The following C10orf67 variants were observed in gnomAD, a reference collection of about 807,000 sequenced individuals.
C10orf67 encodes uncharacterized protein C10orf67, mitochondrial.
Under a neutral mutation model 35.6 loss-of-function variants are expected in C10orf67, and 60 were observed. The observed-to-expected ratio is 1.68, with a 90% confidence interval of 1.37 to 2.09. C10orf67 has a LOEUF of 2.09. Among genes scored for constraint, C10orf67 ranks in the 30% most tolerant of loss-of-function variants. The probability of loss-of-function intolerance (pLI) is 0.00; values close to 1 mark genes in which losing one functional copy is unlikely to be tolerated. For synonymous variants in C10orf67, 167 were observed against 115.8 expected, an observed-to-expected ratio of 1.44 and a Z score of -2.84; for missense variants, 474 against 330.2, an observed-to-expected ratio of 1.44 and a Z score of -3.38.
intron 15 of C10orf67, among the ~76,000 whole-genome samples, chr10:23,219,962 A>G (rs1309022554): frequency 6.6e-6 from 1 of 152,134 alleles, no homozygotes; most frequent in East Asian, 1.9e-4. Flanking sequence ...GCTTGAGCCC[A>G]GGAGTTGGAG....
In C10orf67 at chr10:23,203,482, T is replaced by C. The variant is rs1564451195; in HGVS notation, c.*691A>G. The C allele has an allele frequency of 6.6e-6, 1 of 152,238 alleles. No homozygotes were observed. Among genetic ancestry groups the C allele is most frequent in the African/African-American group, 2.4e-5 (1 of 41,448 alleles). 9.4% of individuals were successfully genotyped at this position (152,238 alleles called of 1,614,324 possible). A position where few individuals can be genotyped will look rare whatever the true frequency, so the allele number is the denominator to read the frequency against. On this transcript the variant is annotated 3_prime_UTR_variant, in exon 16 of 16. Transcript: ENST00000636213. ...TACAGGCTCTTAACAAGGCCTTACTTGTAGTTAGGGGAATAGAAAGAACCA... is the reference window on the plus strand; with the variant it reads ...TACAGGCTCTTAACAAGGCCTTACTCGTAGTTAGGGGAATAGAAAGAACCA...
intron 15 of C10orf67, among the ~76,000 whole-genome samples, chr10:23,209,931 A>G (rs1253506144): frequency 7.4e-6 from 1 of 134,754 alleles, no homozygotes; most frequent in African/African-American, 2.8e-5. Context: ...GCCCAGGAGG[A>G]GGAGGTTGCA....
At chr10:23,268,217 T>C (rs555628067) in intron 8 of C10orf67, among the ~76,000 whole-genome samples, 1 of 152,146 alleles carries the variant, frequency 6.6e-6, no homozygotes, top group South Asian at 2.1e-4. Context: ...ATCGCTTGAG[T>C]CCAGGAGTTT....
At chr10:23,205,351 C>T (rs1275950479) in intron 15 of C10orf67, among the ~76,000 whole-genome samples, 2 of 152,210 alleles carry the variant, frequency 1.3e-5, no homozygotes, top group Non-Finnish European at 2.9e-5. Flanking sequence ...TTCTGCATCC[C>T]AGAAACTCCA....
intron 1 of C10orf67, among the ~76,000 whole-genome samples, chr10:23,343,696 G>A (rs1343572347): frequency 6.6e-6 from 1 of 152,224 alleles, no homozygotes; most frequent in Non-Finnish European, 1.5e-5. Context: ...AATCCGGGCA[G>A]TCTGGCTCCA....
intron 2 of C10orf67, among the ~76,000 whole-genome samples, chr10:23,329,797 C>CAAAAAAAA (rs398013008): frequency 0.025 from 1,195 of 47,796 alleles, 46 homozygotes; most frequent in African/African-American, 0.05. Flanking sequence ...GAACTTGTCT[C>CAAAAAAAA]AAAAAAAAAA....
chr10:23,342,450 A>T (rs560766446), intron 1 of C10orf67, among the ~76,000 whole-genome samples: 18 of 152,304 alleles, frequency 1.2e-4, no homozygotes, highest in Admixed American at 7.2e-4. Context: ...ACACCCAGGC[A>T]CCAGCTCAGT....
At chr10:23,229,411 C>T (rs1301266806) in intron 13 of C10orf67, among the ~76,000 whole-genome samples, 1 of 122,342 alleles carries the variant, frequency 8.2e-6, no homozygotes, top group East Asian at 2.3e-4. Flanking sequence ...GGAAGGGGGA[C>T]ATCATACACC....
At chr10:23,291,413 A>G in intron 5 of C10orf67, 134 bp from the exon 6 acceptor site, 1 of 580,714 alleles carries the variant, frequency 1.7e-6, no homozygotes, top group Non-Finnish European at 3.0e-6. Flanking sequence ...GAATAGTAAA[A>G]AGGAAGGAGC....
chr10:23,239,943 A>G, intron 12 of C10orf67, 127 bp from the exon 13 acceptor site: 1 of 452,432 alleles, frequency 2.2e-6, no homozygotes, highest in East Asian at 3.1e-5. Flanking sequence ...AAATATAAAA[A>G]TATTAGCATG....
chr10:23,231,682 T>C (rs755197034), intron 13 of C10orf67, among the ~76,000 whole-genome samples: 5 of 152,210 alleles, frequency 3.3e-5, no homozygotes, highest in Non-Finnish European at 7.3e-5. Flanking sequence ...CCTGTATCTG[T>C]GTATCAGGTG....
At chr10:23,246,969 G>A (rs1277970273) in intron 12 of C10orf67, among the ~76,000 whole-genome samples, 2 of 152,014 alleles carry the variant, frequency 1.3e-5, no homozygotes, top group South Asian at 2.1e-4. Flanking sequence ...GGGACTACAG[G>A]TGTGCACCAC....
intron 12 of C10orf67, among the ~76,000 whole-genome samples, chr10:23,248,337 C>T (rs577064174): frequency 3.1e-3 from 473 of 152,264 alleles, no homozygotes; most frequent in Middle Eastern, 6.8e-3. Flanking sequence ...GTTTGTGCGA[C>T]AATGATGACA....
chr10:23,294,873 TA>T (rs1160488752), intron 5 of C10orf67, among the ~76,000 whole-genome samples: 1 of 152,194 alleles, frequency 6.6e-6, no homozygotes, highest in East Asian at 1.9e-4. Flanking sequence ...AAATTTCAAA[TA>T]AAAAAGATCA....
In C10orf67 at chr10:23,313,937, G is replaced by T. The variant is rs537087790; in HGVS notation, c.546+6804C>A. Among the ~76,000 whole-genome samples, 58 of 152,144 alleles carry T rather than the reference G, an allele frequency of 3.8e-4. No homozygotes were observed. In the South Asian group the frequency reaches 4.6e-3, roughly 12 times the overall value. On this transcript the variant is annotated intron_variant, in intron 4 of 15. Transcript: ENST00000636213. ...GATGGACTTAATGAAGACCAAAAGG[G>T]ATAAGAAGGCACCAGCCACAGGCCA...
intron 9 of C10orf67, among the ~76,000 whole-genome samples, chr10:23,266,936 A>G (rs1454446656): frequency 6.6e-6 from 1 of 152,092 alleles, no homozygotes; most frequent in Non-Finnish European, 1.5e-5. Context: ...AAAGAGATAG[A>G]GTCTCACTGT....
intron 7 of C10orf67, among the ~76,000 whole-genome samples, chr10:23,289,330 A>G (rs1843643303): frequency 6.6e-6 from 1 of 152,040 alleles, no homozygotes; most frequent in African/African-American, 2.4e-5. Flanking sequence ...CACTCGGCTA[A>G]TTTTTTTAAT....
intron 1 of C10orf67, among the ~76,000 whole-genome samples, chr10:23,334,876 A>G (rs182231592): frequency 1.3e-5 from 2 of 152,332 alleles, no homozygotes; most frequent in African/African-American, 2.4e-5. Flanking sequence ...GCCAGGGCAT[A>G]GATGATGAGC....
intron 10 of C10orf67, among the ~76,000 whole-genome samples, chr10:23,260,120 A>T (rs1564476377): frequency 6.6e-6 from 1 of 152,132 alleles, no homozygotes; most frequent in East Asian, 1.9e-4. Flanking sequence ...AGCAAAGAGA[A>T]AGAGAAACTC....
Sources: allele counts gnomAD v4.1 joint callset (sites outside exome capture counted in the v4.1 genomes callset), GRCh38; gene constraint gnomAD v4.1.1; transcripts MANE v1.5; gene names NCBI Gene and HGNC (gene_info 2026-07-23, HGNC 2026-07-21).